HAUS7: variants seen among roughly 807,000 people sequenced by gnomAD.
HAUS7 encodes HAUS augmin-like complex subunit 7.
A neutral mutation model predicts 28.4 loss-of-function variants in HAUS7; 3 were observed. The observed-to-expected ratio is 0.11, with a 90% CI of 0.05 to 0.27. The LOEUF (loss-of-function observed/expected upper bound fraction) is 0.27. Ranked by LOEUF, HAUS7 falls within the 10% of genes least tolerant of loss-of-function variation. The probability of loss-of-function intolerance (pLI) is 1.00; values close to 1 mark genes in which losing one functional copy is unlikely to be tolerated. For synonymous variants in HAUS7, 165 were observed against 132.1 expected, an observed-to-expected ratio of 1.25 and a Z score of -1.71; for missense variants, 284 against 297.3, an observed-to-expected ratio of 0.96 and a Z score of 0.33.
chrX:153,480,335 C>T (rs1273515870), intron 1 of HAUS7, among the ~76,000 whole-genome samples: 1 of 110,026 alleles, frequency 9.1e-6, no homozygotes, highest in Non-Finnish European at 1.9e-5. Context: ...CACCCACCCC[C>T]CTCCCCAGCA....
At position 153,462,341 on chromosome X, in the gene HAUS7, G is replaced by C. The variant is rs782112060; in HGVS notation, c.354+269C>G. On this transcript the variant is annotated intron_variant, in intron 4 of 9. Transcript: ENST00000370211. ...ACACTTTCCATCCCACTGGTCATCAGAAGCCAGAGATCTGCCCCTCCCTGC... is the reference window on the plus strand; with the variant it reads ...ACACTTTCCATCCCACTGGTCATCACAAGCCAGAGATCTGCCCCTCCCTGC... 8.2e-3 allele frequency: 2,110 copies of C among 256,750 alleles called. 13 individuals are homozygous for C. Among genetic ancestry groups the C allele is most frequent in the Non-Finnish European group, 0.011 (1,962 of 184,583 alleles). The allele number at this position is 256,750 out of a possible 1,213,427, so 21.2% of individuals were successfully genotyped here. A position where few individuals can be genotyped will look rare whatever the true frequency, so the allele number is the denominator to read the frequency against.
chrX:153,494,669 T>C (rs2089693703), intron 1 of HAUS7, among the ~76,000 whole-genome samples: 1 of 107,338 alleles, frequency 9.3e-6, no homozygotes, highest in African/African-American at 3.4e-5. Flanking sequence ...GTGGAAAGTT[T>C]GACTCTCTGG....
At chrX:153,479,507 G>A (rs2089584849) in intron 1 of HAUS7, 9 of 405,586 alleles carry the variant, frequency 2.2e-5, no homozygotes, top group Non-Finnish European at 2.8e-5. Context: ...CCTGGAGGGC[G>A]AGGGGTGTGC....
At chrX:153,466,938 T>C (rs781875635) in intron 2 of HAUS7, among the ~76,000 whole-genome samples, 7 of 112,165 alleles carry the variant, frequency 6.2e-5, no homozygotes, top group Non-Finnish European at 1.3e-4. Context: ...AATCGAAATC[T>C]GAAACACTTC....
In HAUS7 at chrX:153,489,394, C is replaced by G. The variant is rs782820029; in HGVS notation, c.-589+5980G>C. 8.8e-5 allele frequency among the ~76,000 whole-genome samples: 10 copies of G among 113,069 alleles called. No individual in the cohort carries two copies. In the South Asian group the frequency reaches 3.6e-3, roughly 41 times the overall value. The stretch of plus-strand genomic sequence containing the variant: ...CCTTCTCTGTGATTACTGTGCTCCT[C>G]CTCTTCGGGGTGGCTGCTGGCTCCA... On this transcript the variant is annotated intron_variant, in intron 1 of 5. Transcript: ENST00000370210.
At chrX:153,492,020 C>T (rs1331048788) in intron 1 of HAUS7, among the ~76,000 whole-genome samples, 1 of 112,782 alleles carries the variant, frequency 8.9e-6, no homozygotes, top group East Asian at 2.8e-4. Context: ...CCCCCACCTC[C>T]TGCTCCCTGT....
chrX:153,462,181 G>A (rs2089401008), intron 4 of HAUS7: 12 of 1,015,471 alleles, frequency 1.2e-5, no homozygotes, highest in South Asian at 2.9e-5. Context: ...ATTTAGAAAC[G>A]AGAAGGTGGG....
intron 1 of HAUS7, among the ~76,000 whole-genome samples, chrX:153,493,377 G>A (rs1183867613): frequency 7.1e-5 from 8 of 112,099 alleles, no homozygotes; most frequent in African/African-American, 9.7e-5. Context: ...GCTCTCTACC[G>A]ACATATTTCT....
Position 153,463,465 on chromosome X carries a change from C to A in HAUS7, c.293-794G>T, listed in dbSNP as rs782120555. On this transcript the variant is annotated intron_variant, in intron 3 of 9. Transcript: ENST00000370211. Reference sequence around the variant, plus strand: ...TCTATAAATCCAGATCTGGCCAGCGCTGCCTCCTGCACTGCCTCTCCAAAC... The same window carrying A: ...TCTATAAATCCAGATCTGGCCAGCGATGCCTCCTGCACTGCCTCTCCAAAC... Among the ~76,000 whole-genome samples, 10 of 112,287 alleles carry A rather than the reference C, an allele frequency of 8.9e-5. No homozygotes were observed. In the South Asian group the frequency reaches 3.3e-3, roughly 38 times the overall value.
chrX:153,490,047 G>A (rs2089662132), intron 1 of HAUS7, among the ~76,000 whole-genome samples: 1 of 112,749 alleles, frequency 8.9e-6, no homozygotes, highest in Admixed American at 9.3e-5. Context: ...TGAAGTCAGG[G>A]CTCGGGACAG....
At chrX:153,456,231 C>T (rs782364829) in intron 7 of HAUS7, 34 bp downstream of exon 7, 1 of 1,117,567 alleles carries the variant, frequency 8.9e-7, no homozygotes, top group Non-Finnish European at 1.2e-6. Flanking sequence ...GCCTTGCCTC[C>T]AAGCAACCCC....
At chrX:153,463,093 C>A (rs371075310) in intron 3 of HAUS7, 76 of 337,622 alleles carry the variant, frequency 2.3e-4, no homozygotes, top group African/African-American at 1.8e-3. Flanking sequence ...TATCACCCTG[C>A]CAGCAGCCCT....
At position 153,482,792 on chromosome X, in the gene HAUS7, C is replaced by G; in HGVS notation, c.-588-11647G>C. The G allele has an allele frequency of 5.4e-6, 4 of 740,743 alleles. No homozygotes were observed. In the Middle Eastern group the frequency reaches 1.6e-3, roughly 302 times the overall value. The allele number at this position is 740,743 out of a possible 1,213,427, so 61.0% of individuals were successfully genotyped here. A position where few individuals can be genotyped will look rare whatever the true frequency, so the allele number is the denominator to read the frequency against. ...GGGACATCTCCCCCTGGCCTTCCAG[C>G]CCCTCTGCAGCCTGCTCTATCTGAG... On this transcript the variant is annotated intron_variant, in intron 1 of 5. Transcript: ENST00000370210.
intron 4 of HAUS7, among the ~76,000 whole-genome samples, chrX:153,459,418 G>GT (rs1158391349): frequency 2.7e-5 from 3 of 112,020 alleles, no homozygotes; most frequent in East Asian, 5.6e-4. Flanking sequence ...CAATTGATCT[G>GT]TTTTTTCTTT....
intron 1 of HAUS7, among the ~76,000 whole-genome samples, chrX:153,479,968 C>T (rs1407796700): frequency 7.2e-5 from 8 of 111,775 alleles, no homozygotes; most frequent in Non-Finnish European, 1.1e-4. Flanking sequence ...TGAGGTGGCC[C>T]CTGGGCTTGC....
At position 153,455,060 on chromosome X, in the gene HAUS7, T is replaced by C. The variant is rs782766235; in HGVS notation, c.930+482A>G. On this transcript the variant is annotated intron_variant, in intron 8 of 9. Coordinates refer to ENST00000370211, the MANE Select transcript of HAUS7 (RefSeq NM_001385482.1). ...TAGGTTGGCCTCTGGGGATCTCACATGTGGAACAACGAAACAAGCAAACAT... is the reference window on the plus strand; with the variant it reads ...TAGGTTGGCCTCTGGGGATCTCACACGTGGAACAACGAAACAAGCAAACAT... The C allele has an allele frequency of 8.9e-6, 9 of 1,006,710 alleles. No individual in the cohort carries two copies. In the Admixed American group the frequency reaches 9.9e-5, roughly 11 times the overall value. The allele number at this position is 1,006,710 out of a possible 1,213,427, so 83.0% of individuals were successfully genotyped here.
At chrX:153,447,997 G>A (rs886134733) in intron 9 of HAUS7, 88 bp from the exon 10 acceptor site, 15 of 707,106 alleles carry the variant, frequency 2.1e-5, no homozygotes, top group African/African-American at 1.1e-4. Flanking sequence ...ATTCCTCAGG[G>A]ATCTAGAACT....
At chrX:153,462,084 A>G in intron 4 of HAUS7, 1 of 1,003,366 alleles carries the variant, frequency 1.0e-6, no homozygotes, top group Non-Finnish European at 1.4e-6. Flanking sequence ...ATATAAAAAA[A>G]AGAAAACGTG....
intron 1 of HAUS7, among the ~76,000 whole-genome samples, chrX:153,476,996 C>T (rs1556986338): frequency 2.7e-5 from 3 of 112,879 alleles, no homozygotes; most frequent in African/African-American, 9.6e-5. Context: ...CCACAATGGC[C>T]GGGTGCCCTG....
Sources: allele counts gnomAD v4.1 joint callset (sites outside exome capture counted in the v4.1 genomes callset), GRCh38; gene constraint gnomAD v4.1.1; transcripts MANE v1.5; gene names NCBI Gene and HGNC (gene_info 2026-07-23, HGNC 2026-07-21).